Variants in DISP1 observed in about 807,000 individuals in gnomAD.
DISP1 encodes the protein protein dispatched homolog 1.
Under a neutral mutation model 37.3 loss-of-function variants are expected in DISP1, and 30 were observed. The observed-to-expected ratio is 0.80, with a 90% confidence interval of 0.60 to 1.09. The LOEUF (loss-of-function observed/expected upper bound fraction) is 1.09. DISP1 is among the 50% of genes least tolerant of loss of function. DISP1 has a pLI of 0.00. For synonymous variants in DISP1, 634 were observed against 690.2 expected, an observed-to-expected ratio of 0.92 and a Z score of 1.28; for missense variants, 1,598 against 1,879.5, an observed-to-expected ratio of 0.85 and a Z score of 2.77.
chr1:222,875,451 C>CAAA (rs1669907634), intron 1 of DISP1, among the ~76,000 whole-genome samples: 1 of 151,644 alleles, frequency 6.6e-6, no homozygotes, highest in Non-Finnish European at 1.5e-5. Flanking sequence ...TGGCTTTTTT[C>CAAA]CCCCCTTTTA....
chr1:223,000,485 TTAAAG>T (rs1679355608), intron 8 of DISP1, among the ~76,000 whole-genome samples: 2 of 152,232 alleles, frequency 1.3e-5, no homozygotes, highest in Non-Finnish European at 2.9e-5. Flanking sequence ...GAAGGCTTTG[TTAAAG>T]TAAATATTAT....
At chr1:222,994,219 T>C (rs1037512775) in intron 7 of DISP1, among the ~76,000 whole-genome samples, 3 of 152,200 alleles carry the variant, frequency 2.0e-5, no homozygotes, top group African/African-American at 7.2e-5. Context: ...TAAGGTCACG[T>C]AGCTAGTAAA....
At chr1:222,987,254 C>T (rs1490827964) in intron 4 of DISP1, among the ~76,000 whole-genome samples, 1 of 152,142 alleles carries the variant, frequency 6.6e-6, no homozygotes, top group Non-Finnish European at 1.5e-5. Context: ...GCATAGATAG[C>T]AGGAGGAGTA....
chr1:222,818,541 G>C (rs966793334), intron 1 of DISP1, among the ~76,000 whole-genome samples: 1 of 152,194 alleles, frequency 6.6e-6, no homozygotes, highest in African/African-American at 2.4e-5. Context: ...TTTTAAAAGA[G>C]ATTTATTTTA....
In DISP1 at chr1:222,964,462, CT is replaced by C. The variant is rs370235954; in HGVS notation, c.510-18609del. Reference sequence around the variant, plus strand: ...AATATTTTTTGTTTTCTTGCTATAACTTTTTTTTTCGTTTCAGTAATAGCTT... The same window carrying C: ...AATATTTTTTGTTTTCTTGCTATAACTTTTTTTTCGTTTCAGTAATAGCTT... On this transcript the variant is annotated intron_variant, in intron 3 of 8. Coordinates refer to ENST00000675850, the MANE Select transcript of DISP1 (RefSeq NM_001377229.1). Among the ~76,000 whole-genome samples, 22 of 151,652 alleles carry C rather than the reference CT, an allele frequency of 1.5e-4. No individual in the cohort carries two copies. In the East Asian group the frequency reaches 1.9e-3, roughly 13 times the overall value.
At chr1:222,937,386 T>G (rs991771952) in intron 2 of DISP1, among the ~76,000 whole-genome samples, 6 of 151,860 alleles carry the variant, frequency 4.0e-5, no homozygotes, top group Admixed American at 3.3e-4. Context: ...CACTGCGCCC[T>G]GCCCCTCTCT....
chr1:222,936,900 A>ATAATATATTATATAT (rs1673908938), intron 2 of DISP1, among the ~76,000 whole-genome samples: 1 of 90,386 alleles, frequency 1.1e-5, no homozygotes, highest in Non-Finnish European at 2.0e-5. Context: ...TATATTATTT[A>ATAATATATTATATAT]TATATAATAT....
At chr1:222,923,065 A>G (rs1672895262) in intron 1 of DISP1, among the ~76,000 whole-genome samples, 1 of 152,178 alleles carries the variant, frequency 6.6e-6, no homozygotes, top group Non-Finnish European at 1.5e-5. Context: ...TTGTCTGGCA[A>G]AGGAAAGGAA....
chr1:222,854,088 C>G (rs1668418795), intron 1 of DISP1, among the ~76,000 whole-genome samples: 1 of 152,082 alleles, frequency 6.6e-6, no homozygotes, highest in Non-Finnish European at 1.5e-5. Flanking sequence ...AAAGAAAACA[C>G]CATGGCAAGA....
At chr1:222,997,936 G>A (rs1225204928) in intron 8 of DISP1, among the ~76,000 whole-genome samples, 1 of 151,996 alleles carries the variant, frequency 6.6e-6, no homozygotes, top group Non-Finnish European at 1.5e-5. Flanking sequence ...GGTGATCAAA[G>A]CCCCAAAAGT....
In DISP1 at chr1:223,004,102, G is replaced by A. The variant is rs143532301; in HGVS notation, c.2705G>A (p.Gly902Glu). 4.3e-5 allele frequency: 70 copies of A among 1,613,954 alleles called. 1 individual carries two copies. Among genetic ancestry groups the A allele is most frequent in the Non-Finnish European group, 1.2e-5 (14 of 1,180,020 alleles). Residue 902 changes from glycine to glutamate, a missense_variant, in exon 9 of 9, where the codon GGG (glycine) becomes GAG (glutamate). Coordinates refer to ENST00000675850, the MANE Select transcript of DISP1 (RefSeq NM_001377229.1). This position sits in a 1 kb window ranked among gnomAD's most constrained non-coding sequence, Gnocchi z 4.9. Reference sequence around the variant, plus strand: ...ATCATGGAGCTGGAAAGGAGTACAGGGTACCATTTGGATAGCAAAACCCCA... The same window carrying A: ...ATCATGGAGCTGGAAAGGAGTACAGAGTACCATTTGGATAGCAAAACCCCA... ...RAIMELERST[G>E]YHLDSKTPGP...
At chr1:222,950,113 G>C (rs1395844119) in intron 3 of DISP1, among the ~76,000 whole-genome samples, 1 of 152,150 alleles carries the variant, frequency 6.6e-6, no homozygotes, top group Non-Finnish European at 1.5e-5. Flanking sequence ...TTGAGAGGTG[G>C]GAAGGATCCC....
chr1:222,882,009 T>G (rs1298036374), intron 1 of DISP1, among the ~76,000 whole-genome samples: 2 of 152,120 alleles, frequency 1.3e-5, no homozygotes, highest in Admixed American at 6.5e-5. Flanking sequence ...AAAGGGAAAT[T>G]TTGAGGTGGA....
rs541356963 is a variant in DISP1 at position 222,971,229 on chromosome 1, C to T, written c.510-11851C>T. 7.9e-5 allele frequency among the ~76,000 whole-genome samples: 12 copies of T among 152,140 alleles called. No individual in the cohort carries two copies. The East Asian group carries it at 1.9e-3, about 24-fold the overall frequency. On this transcript the variant is annotated intron_variant, in intron 3 of 8. Coordinates refer to ENST00000675850, the MANE Select transcript of DISP1 (RefSeq NM_001377229.1). Reference sequence around the variant, plus strand: ...TTAGATCAGGAAGAAAAATCAATTTCACTGTATATTTTTGTCCTTAAAAGC... The same window carrying T: ...TTAGATCAGGAAGAAAAATCAATTTTACTGTATATTTTTGTCCTTAAAAGC...
At chr1:222,885,869 TACAC>T (rs759925144) in intron 1 of DISP1, among the ~76,000 whole-genome samples, 1 of 149,100 alleles carries the variant, frequency 6.7e-6, no homozygotes, top group African/African-American at 2.5e-5. Context: ...ATCATGGGGA[TACAC>T]ACACACACAC....
chr1:222,977,050 A>G (rs1176247475), intron 3 of DISP1, among the ~76,000 whole-genome samples: 2 of 152,038 alleles, frequency 1.3e-5, no homozygotes, highest in African/African-American at 4.8e-5. Flanking sequence ...TTTTTTTGAG[A>G]CGGAGTTTCG....
intron 1 of DISP1, among the ~76,000 whole-genome samples, chr1:222,855,364 A>G (rs575637508): frequency 6.6e-6 from 1 of 152,330 alleles, no homozygotes; most frequent in East Asian, 1.9e-4. Flanking sequence ...CAATTTTTGA[A>G]AGCCCTGAAA....
chr1:222,940,878 A>G (rs1397226149), intron 2 of DISP1, among the ~76,000 whole-genome samples: 2 of 152,198 alleles, frequency 1.3e-5, no homozygotes, highest in African/African-American at 4.8e-5. Flanking sequence ...AATTCTGGGA[A>G]ATAATTACAT....
At chr1:222,829,090 C>G (rs761499720) in intron 1 of DISP1, among the ~76,000 whole-genome samples, 3 of 152,052 alleles carry the variant, frequency 2.0e-5, no homozygotes, top group Non-Finnish European at 4.4e-5. Flanking sequence ...AGAGGACTTC[C>G]AAAAAGCACT....
Sources: gnomAD v4.1 joint callset for allele counts (sites outside exome capture counted in the v4.1 genomes callset) on GRCh38, gnomAD v4.1.1 for gene constraint, Gnocchi (gnomAD v3.1) non-coding constraint, MANE v1.5 for transcripts, NCBI Gene and HGNC (gene_info 2026-07-23, HGNC 2026-07-21) for gene names.